Variants in NAB1 observed in about 807,000 individuals in gnomAD.
NAB1 encodes NGFI-A-binding protein 1.
Under a neutral mutation model 49.9 loss-of-function variants are expected in NAB1, and 25 were observed. The ratio of observed to expected loss-of-function variants is 0.50; its 90% confidence interval spans 0.37 to 0.70. The LOEUF is 0.70. Among genes scored for constraint, NAB1 ranks in the 30% least tolerant of loss-of-function variants. NAB1 has a pLI of 0.00. For missense variants in NAB1, 489 were observed against 575.9 expected (o/e 0.85, Z 1.54); for synonymous variants, 198 against 215.6 (o/e 0.92, Z 0.71).
At chr2:190,673,530 T>G (rs1297161654) in intron 6 of NAB1, among the ~76,000 whole-genome samples, 1 of 152,174 alleles carries the variant, frequency 6.6e-6, no homozygotes, top group African/African-American at 2.4e-5. Context: ...AAAACTGTGG[T>G]GACTAGTCCA....
rs930978004 is a variant in NAB1 at position 190,654,725 on chromosome 2, G to A, written c.-196-1252G>A. Among the ~76,000 whole-genome samples, 1 of 152,080 alleles carries A rather than the reference G, an allele frequency of 6.6e-6. No homozygotes were observed. The highest frequency in any genetic ancestry group is 2.4e-5 in the African/African-American group (1 of 41,386). ...TGTGGGATCTATTGAAGGTGAAGGA[G>A]CTTTTTTCAAAATTGGGGCAAGAAG... On this transcript the variant is annotated intron_variant, in intron 2 of 9. Transcript: ENST00000337386. This position sits in a 1 kb window ranked among gnomAD's most constrained non-coding sequence, Gnocchi z 5.6.
Position 190,649,769 on chromosome 2 carries a change from A to G in NAB1, c.-333-77A>G, listed in dbSNP as rs1693561000. The stretch of plus-strand genomic sequence containing the variant: ...GGCAGTCTTTTTGTTTGTTTACTTT[A>G]TAAAAGTGCTGCACTTACCGTCTCG... On this transcript the variant is annotated intron_variant, in intron 1 of 9. Coordinates refer to ENST00000337386, the MANE Select transcript of NAB1 (RefSeq NM_005966.4). The surrounding 1 kb of genome is among the most constrained non-coding windows in gnomAD (Gnocchi z 6.1). 1 of 152,148 alleles carries G rather than the reference A, an allele frequency of 6.6e-6. No individual in the cohort carries two copies. The highest frequency in any genetic ancestry group is 2.4e-5 in the African/African-American group (1 of 41,410). The allele number at this position is 152,148 out of a possible 1,614,324, so 9.4% of individuals were successfully genotyped here. A position where few individuals can be genotyped will look rare whatever the true frequency, so the allele number is the denominator to read the frequency against.
In NAB1 at chr2:190,655,967, C is replaced by A. The variant is rs1366544828; in HGVS notation, c.-196-10C>A. On this transcript the variant is annotated splice_polypyrimidine_tract_variant and intron_variant, in intron 2 of 9. Coordinates refer to ENST00000337386, the MANE Select transcript of NAB1 (RefSeq NM_005966.4). ...CTCTTCCCCTAACATCATTGGGATT[C>A]TTTTTATAGGACTGAGCAGGGGGAG... The A allele has an allele frequency of 2.0e-5, 3 of 152,170 alleles. No homozygotes were observed. In the East Asian group the frequency reaches 5.8e-4, roughly 29 times the overall value. The allele number at this position is 152,170 out of a possible 1,614,324, so 9.4% of individuals were successfully genotyped here.
At chr2:190,656,715 C>G (rs929566) in intron 3 of NAB1, among the ~76,000 whole-genome samples, 47,180 of 151,966 alleles carry the variant, frequency 0.31, 7,864 homozygotes, top group African/African-American at 0.42. Flanking sequence ...AAATCATTGC[C>G]TTATCTCAGA....
At chr2:190,662,334 G>A (rs1347747224) in intron 4 of NAB1, among the ~76,000 whole-genome samples, 6 of 149,802 alleles carry the variant, frequency 4.0e-5, no homozygotes, top group African/African-American at 1.5e-4. Flanking sequence ...AACATAATTT[G>A]TTTCCAAATG....
At position 190,655,613 on chromosome 2, in the gene NAB1, G is replaced by A. The variant is rs530576271; in HGVS notation, c.-196-364G>A. On this transcript the variant is annotated intron_variant, in intron 2 of 9. Transcript: ENST00000337386. ...ATAGAATGGTGAGCCCAGAAAACAA[G>A]CTGGCCTGAGTCAGGTTTGAAGGAA... Among the ~76,000 whole-genome samples, 132 of 152,292 alleles carry A rather than the reference G, an allele frequency of 8.7e-4. 1 individual carries two copies. The highest frequency in any genetic ancestry group is 3.0e-3 in the African/African-American group (123 of 41,572).
At chr2:190,658,831 C>T (rs1015977939) in intron 3 of NAB1, among the ~76,000 whole-genome samples, 3 of 152,234 alleles carry the variant, frequency 2.0e-5, no homozygotes, top group African/African-American at 7.2e-5. Context: ...ATCTTTCACT[C>T]CACCTGCGTC....
At chr2:190,664,614 T>TTTTTTTTTTTTTTTTG (rs1553548974) in intron 4 of NAB1, among the ~76,000 whole-genome samples, 1 of 111,814 alleles carries the variant, frequency 8.9e-6, no homozygotes, top group African/African-American at 3.8e-5. Context: ...TTTTTTTTTT[T>TTTTTTTTTTTTTTTTG]GTAGGGACAG....
Position 190,652,289 on chromosome 2 carries a change from C to T in NAB1, c.-197+2307C>T, listed in dbSNP as rs951629116. ...TAATTTAATGATTTTTACAGAGAAA[C>T]TTCTGAAAAGGTGAAAAAAACTTAT... On this transcript the variant is annotated intron_variant, in intron 2 of 9. Transcript: ENST00000337386. This position sits in a 1 kb window ranked among gnomAD's most constrained non-coding sequence, Gnocchi z 4.2. Among the ~76,000 whole-genome samples, 14 of 152,120 alleles carry T rather than the reference C, an allele frequency of 9.2e-5. No individual in the cohort carries two copies. The South Asian group carries it at 2.7e-3, about 29-fold the overall frequency.
intron 4 of NAB1, among the ~76,000 whole-genome samples, chr2:190,668,228 G>A (rs73980851): frequency 2.8e-4 from 42 of 152,258 alleles, no homozygotes; most frequent in Middle Eastern, 3.4e-3. Context: ...TATACCCTGT[G>A]ACCTAACTGG....
At position 190,670,296 on chromosome 2, in the gene NAB1, T is replaced by G; in HGVS notation, c.820-30T>G. On this transcript the variant is annotated intron_variant, in intron 4 of 9. Coordinates refer to ENST00000337386, the MANE Select transcript of NAB1 (RefSeq NM_005966.4). This position sits in a 1 kb window ranked among gnomAD's most constrained non-coding sequence, Gnocchi z 5.3. ...CATTTTGATGAAATTAAAATGTTCT[T>G]AATTTTGAAACTCTGTTTTGGATAT... is the stretch of plus-strand genomic sequence containing the variant. 6.3e-7 allele frequency: 1 copy of G among 1,578,590 alleles called. No homozygotes were observed. The highest frequency in any genetic ancestry group is 8.6e-7 in the Non-Finnish European group (1 of 1,165,840).
At chr2:190,648,933 A>C (rs1253689972), upstream of NAB1, 3 of 146,140 alleles carry the variant, frequency 2.1e-5, no homozygotes, top group Non-Finnish European at 4.6e-5. Context: ...GGAGCGGCGA[A>C]TGTAGCAAGA....
chr2:190,662,081 A>T (rs1167381122), intron 4 of NAB1, among the ~76,000 whole-genome samples: 1 of 152,202 alleles, frequency 6.6e-6, no homozygotes, highest in Non-Finnish European at 1.5e-5. Flanking sequence ...CAATTTCCAC[A>T]TAAGGAATAC....
rs530315083 is a variant in NAB1 at position 190,680,773 on chromosome 2, T to G, written c.1006-2965T>G. 1.3e-5 allele frequency among the ~76,000 whole-genome samples: 2 copies of G among 152,334 alleles called. No individual in the cohort carries two copies. The highest frequency in any genetic ancestry group is 4.8e-5 in the African/African-American group (2 of 41,562). ...GTACTTTGTAATTGTCCATAAAATT[T>G]CTCTTTTTTCCCCAGTATGATGCTT... On this transcript the variant is annotated intron_variant, in intron 6 of 9. Coordinates refer to ENST00000337386, the MANE Select transcript of NAB1 (RefSeq NM_005966.4). The surrounding 1 kb of genome is among the most constrained non-coding windows in gnomAD (Gnocchi z 5.2).
chr2:190,687,122 T>A (rs1314698611), intron 8 of NAB1, 79 bp from the exon 9 acceptor site: 2 of 776,460 alleles, frequency 2.6e-6, no homozygotes, highest in African/African-American at 3.7e-5. Context: ...TCCTAAGGAG[T>A]GTTCAGGCAA....
Position 190,690,784 on chromosome 2 carries a change from C to A in NAB1, c.*451C>A, listed in dbSNP as rs1559259416. The A allele has an allele frequency of 6.5e-6, 1 of 152,946 alleles. No individual in the cohort carries two copies. The highest frequency in any genetic ancestry group is 1.5e-5 in the Non-Finnish European group (1 of 68,300). 9.5% of individuals were successfully genotyped at this position (152,946 alleles called of 1,614,324 possible). A position where few individuals can be genotyped will look rare whatever the true frequency, so the allele number is the denominator to read the frequency against. ...ATATATGTCAGAGTTTAGAATCTGC[C>A]TGCAGTTGTGAAAAAGAAAGCTTAA... On this transcript the variant is annotated 3_prime_UTR_variant, in exon 10 of 10. Transcript: ENST00000337386.
At position 190,652,219 on chromosome 2, in the gene NAB1, A is replaced by T. The variant is rs1292246874; in HGVS notation, c.-197+2237A>T. 2.6e-5 allele frequency among the ~76,000 whole-genome samples: 4 copies of T among 152,224 alleles called. No individual in the cohort carries two copies. The highest frequency in any genetic ancestry group is 2.9e-5 in the Non-Finnish European group (2 of 68,038). On this transcript the variant is annotated intron_variant, in intron 2 of 9. Coordinates refer to ENST00000337386, the MANE Select transcript of NAB1 (RefSeq NM_005966.4). The surrounding 1 kb of genome is among the most constrained non-coding windows in gnomAD (Gnocchi z 4.2). ...GCTTTCAAAGAGTTTGTCATTTCTCAATACATTGTATTTAGGGGGTGACCC... is the reference window on the plus strand; with the variant it reads ...GCTTTCAAAGAGTTTGTCATTTCTCTATACATTGTATTTAGGGGGTGACCC...
Position 190,678,757 on chromosome 2 carries a change from A to G in NAB1, c.1006-4981A>G, listed in dbSNP as rs776499688. On this transcript the variant is annotated intron_variant, in intron 6 of 9. Coordinates refer to ENST00000337386, the MANE Select transcript of NAB1 (RefSeq NM_005966.4). This position sits in a 1 kb window ranked among gnomAD's most constrained non-coding sequence, Gnocchi z 4.9. ...CGCTGCTACTAAGCTTGTTGAAAAG[A>G]AAGCTGGTCTAATTTGACGTAGACT... 2.6e-5 allele frequency among the ~76,000 whole-genome samples: 4 copies of G among 152,214 alleles called. No individual in the cohort carries two copies. The highest frequency in any genetic ancestry group is 5.9e-5 in the Non-Finnish European group (4 of 68,036).
chr2:190,685,364 T>G lies in NAB1; in HGVS notation c.1096-112T>G. On this transcript the variant is annotated intron_variant, in intron 7 of 9. Transcript: ENST00000337386. This position sits in a 1 kb window ranked among gnomAD's most constrained non-coding sequence, Gnocchi z 4.5. ...TTTGTATACCACATGAAGTGTGAACTAATTTTAATGAATACTAAATATATT... is the reference window on the plus strand; with the variant it reads ...TTTGTATACCACATGAAGTGTGAACGAATTTTAATGAATACTAAATATATT... 2 of 964,294 alleles carry G rather than the reference T, an allele frequency of 2.1e-6. No homozygotes were observed. Among genetic ancestry groups the G allele is most frequent in the South Asian group, 3.7e-5 (2 of 54,234 alleles). The allele number at this position is 964,294 out of a possible 1,614,324, so 59.7% of individuals were successfully genotyped here.
Sources: allele counts gnomAD v4.1 joint callset (sites outside exome capture counted in the v4.1 genomes callset), GRCh38; gene constraint gnomAD v4.1.1; non-coding constraint Gnocchi (gnomAD v3.1); transcripts MANE v1.5; gene names NCBI Gene and HGNC (gene_info 2026-07-23, HGNC 2026-07-21).